SLC27A2: variants seen among roughly 807,000 people sequenced by gnomAD.
SLC27A2 encodes solute carrier family 27 member 2, also known as long-chain fatty acid transport protein 2.
SLC27A2 carries 54 observed loss-of-function variants against 60.0 expected under a neutral mutation model. The ratio of observed to expected loss-of-function variants is 0.90; its 90% CI spans 0.72 to 1.13. The LOEUF (loss-of-function observed/expected upper bound fraction) is 1.13, where lower values mean the gene tolerates loss of function less well. SLC27A2 is among the 50% of genes most tolerant of loss of function. The pLI, the probability that SLC27A2 is intolerant of heterozygous loss-of-function variation, is 0.00. For synonymous variants in SLC27A2, 297 were observed against 297.6 expected (o/e 1.00, Z 0.02); for missense variants, 739 against 777.6 (o/e 0.95, Z 0.59).
chr15:50,208,322 T>C (rs2045129022), intron 4 of SLC27A2, among the ~76,000 whole-genome samples: 1 of 152,232 alleles, frequency 6.6e-6, no homozygotes, highest in Non-Finnish European at 1.5e-5. Context: ...GGTTCAGATT[T>C]GGCCCCAGGT....
intron 3 of SLC27A2, among the ~76,000 whole-genome samples, chr15:50,205,012 T>C (rs2045099864): frequency 6.6e-6 from 1 of 151,336 alleles, no homozygotes; most frequent in South Asian, 2.1e-4. Context: ...AAGCTAACTT[T>C]TATTAAAATG....
Position 50,182,562 on chromosome 15 carries a change from C to T in SLC27A2, c.135C>T (p.Ser45=), listed in dbSNP as rs139094380. Residue 45 remains serine (S), a synonymous_variant, in exon 1 of 10, where the codon AGC becomes AGT. Transcript: ENST00000267842. ...KVAAVGRRVR[S]YGKRRPARTI... ...CCGCCGTGGGCCGGAGGGTGCGCAGCTACGGGAAGCGGCGGCCGGCGCGCA... is the reference window on the plus strand; with the variant it reads ...CCGCCGTGGGCCGGAGGGTGCGCAGTTACGGGAAGCGGCGGCCGGCGCGCA... 6.2e-6 allele frequency: 10 copies of T among 1,613,062 alleles called. No individual in the cohort carries two copies. In the African/African-American group the frequency reaches 1.1e-4, roughly 17 times the overall value.
chr15:50,233,300 T>C (rs915279373), intron 8 of SLC27A2, among the ~76,000 whole-genome samples: 1 of 152,194 alleles, frequency 6.6e-6, no homozygotes, highest in Admixed American at 6.5e-5. Flanking sequence ...AAACCTGACA[T>C]TGCAACCTGA....
At chr15:50,208,406 TA>T (rs1482370604) in intron 4 of SLC27A2, among the ~76,000 whole-genome samples, 1 of 152,164 alleles carries the variant, frequency 6.6e-6, no homozygotes, top group African/African-American at 2.4e-5. Flanking sequence ...TGGAGCAGGA[TA>T]GTTAACCTCT....
Position 50,216,755 on chromosome 15 carries a change from T to C in SLC27A2, c.973-6210T>C, listed in dbSNP as rs1218393403. Among the ~76,000 whole-genome samples, 6 of 144,882 alleles carry C rather than the reference T, an allele frequency of 4.1e-5. No homozygotes were observed. In the East Asian group the frequency reaches 1.2e-3, roughly 28 times the overall value. ...GCTCTTTTTTTGGTTCCATATGATA[T>C]ATATATATATTCCATAAAAATATAT... On this transcript the variant is annotated intron_variant, in intron 4 of 9. Coordinates refer to ENST00000267842, the MANE Select transcript of SLC27A2 (RefSeq NM_003645.4).
chr15:50,217,482 C>G (rs1235503282), intron 4 of SLC27A2, among the ~76,000 whole-genome samples: 1 of 152,122 alleles, frequency 6.6e-6, no homozygotes, highest in Non-Finnish European at 1.5e-5. Context: ...GATACTGGAA[C>G]TCCAGTAGCC....
intron 4 of SLC27A2, among the ~76,000 whole-genome samples, chr15:50,216,031 C>T (rs1039760061): frequency 2.6e-5 from 4 of 152,314 alleles, no homozygotes; most frequent in African/African-American, 7.2e-5. Flanking sequence ...AGACAACCCA[C>T]GGAGTGGGAG....
intron 5 of SLC27A2, among the ~76,000 whole-genome samples, chr15:50,223,886 A>G (rs1241875909): frequency 2.6e-5 from 4 of 152,174 alleles, no homozygotes; most frequent in African/African-American, 9.7e-5. Context: ...CTTTCTGGCC[A>G]TGAAACAGCC....
intron 5 of SLC27A2, among the ~76,000 whole-genome samples, chr15:50,225,109 T>A (rs1375279565): frequency 6.6e-6 from 1 of 152,248 alleles, no homozygotes; most frequent in Non-Finnish European, 1.5e-5. Flanking sequence ...TCTACATTTG[T>A]TGACCATAAA....
intron 1 of SLC27A2, among the ~76,000 whole-genome samples, chr15:50,195,242 G>A (rs552983270): frequency 7.1e-4 from 107 of 151,352 alleles, no homozygotes; most frequent in Non-Finnish European, 2.7e-4. Flanking sequence ...AGAGGCGGGC[G>A]GATCACGAGG....
intron 7 of SLC27A2, among the ~76,000 whole-genome samples, 153 bp from the exon 8 acceptor site, chr15:50,228,792 C>A (rs2045294531): frequency 6.6e-6 from 1 of 152,122 alleles, no homozygotes; most frequent in African/African-American, 2.4e-5. Context: ...ACAAGATACC[C>A]CGGCCAGGAC....
intron 8 of SLC27A2, among the ~76,000 whole-genome samples, chr15:50,232,417 A>G (rs2045322090): frequency 6.6e-6 from 1 of 151,578 alleles, no homozygotes; most frequent in South Asian, 2.1e-4. Flanking sequence ...TTTAATTATA[A>G]TTTATTTTAG....
At chr15:50,224,173 G>A (rs2045263446) in intron 5 of SLC27A2, among the ~76,000 whole-genome samples, 1 of 152,234 alleles carries the variant, frequency 6.6e-6, no homozygotes, top group Non-Finnish European at 1.5e-5. Flanking sequence ...AGGCGCAGCG[G>A]CTCACGCCTG....
chr15:50,226,362 C>T (rs1483899115), intron 6 of SLC27A2, among the ~76,000 whole-genome samples: 1 of 152,138 alleles, frequency 6.6e-6, no homozygotes, highest in Non-Finnish European at 1.5e-5. Flanking sequence ...TTTTAGGTGG[C>T]CTTTACCTTT....
At chr15:50,184,416 C>T (rs959114221) in intron 1 of SLC27A2, among the ~76,000 whole-genome samples, 3 of 152,062 alleles carry the variant, frequency 2.0e-5, no homozygotes, top group South Asian at 2.1e-4. Flanking sequence ...GCAAGCTAAG[C>T]GGGTTACAGA....
At chr15:50,204,639 A>T (rs1451606972) in intron 3 of SLC27A2, among the ~76,000 whole-genome samples, 1 of 151,886 alleles carries the variant, frequency 6.6e-6, no homozygotes, top group African/African-American at 2.4e-5. Context: ...AGGCTGAGGC[A>T]GGAGAATCAC....
intron 8 of SLC27A2, among the ~76,000 whole-genome samples, chr15:50,230,868 G>A (rs2045312269): frequency 1.3e-5 from 2 of 152,168 alleles, no homozygotes; most frequent in South Asian, 4.1e-4. Context: ...TGAAACAGAA[G>A]GATCTAGCCT....
At chr15:50,203,295 A>G (rs1211328017) in intron 3 of SLC27A2, among the ~76,000 whole-genome samples, 2 of 152,162 alleles carry the variant, frequency 1.3e-5, no homozygotes, top group East Asian at 1.9e-4. Context: ...AAACTTCTGC[A>G]GTTGTGTGCA....
At chr15:50,224,783 T>G (rs986052937) in intron 5 of SLC27A2, among the ~76,000 whole-genome samples, 4 of 152,252 alleles carry the variant, frequency 2.6e-5, no homozygotes, top group African/African-American at 9.6e-5. Context: ...TAGCCACGTG[T>G]GGTTAGTAAC....
Sources: gnomAD v4.1 joint callset for allele counts (sites outside exome capture counted in the v4.1 genomes callset) on GRCh38, gnomAD v4.1.1 for gene constraint, MANE v1.5 for transcripts, NCBI Gene and HGNC (gene_info 2026-07-23, HGNC 2026-07-21) for gene names.